BCHE: variants seen among roughly 807,000 people sequenced by gnomAD.
BCHE encodes the protein butyrylcholinesterase.
Under a neutral mutation model 51.3 loss-of-function variants are expected in BCHE, and 48 were observed. The ratio of observed to expected loss-of-function variants is 0.94; its 90% confidence interval spans 0.74 to 1.19. BCHE has a LOEUF of 1.19. Among genes scored for constraint, BCHE ranks in the 50% most tolerant of loss-of-function variants. BCHE has a pLI of 0.00. For synonymous variants in BCHE, 251 were observed against 238.0 expected, an observed-to-expected ratio of 1.05 and a Z score of -0.50; for missense variants, 847 against 708.2, an observed-to-expected ratio of 1.20 and a Z score of -2.23.
intron 1 of BCHE, among the ~76,000 whole-genome samples, chr3:165,836,490 A>C (rs189045132): frequency 6.6e-6 from 1 of 151,986 alleles, no homozygotes; most frequent in East Asian, 1.9e-4. Flanking sequence ...AGAAATCATA[A>C]ACAATGAAAT....
chr3:165,834,266 G>T (rs983059950), intron 1 of BCHE, among the ~76,000 whole-genome samples: 1 of 151,970 alleles, frequency 6.6e-6, no homozygotes, highest in Non-Finnish European at 1.5e-5. Context: ...TATATTTTAT[G>T]CTGAGTAGGT....
chr3:165,817,599 A>G (rs57531872), intron 2 of BCHE, among the ~76,000 whole-genome samples: 1 of 152,014 alleles, frequency 6.6e-6, no homozygotes, highest in African/African-American at 2.4e-5. Context: ...CTTCTGGGAA[A>G]ATTTTTCCCC....
chr3:165,803,936 A>G (rs1427291904), intron 2 of BCHE, among the ~76,000 whole-genome samples: 1 of 152,180 alleles, frequency 6.6e-6, no homozygotes, highest in Non-Finnish European at 1.5e-5. Flanking sequence ...GACTGATATC[A>G]CCCATGGAAT....
intron 2 of BCHE, among the ~76,000 whole-genome samples, chr3:165,828,732 G>A (rs371047676): frequency 4.2e-5 from 6 of 142,184 alleles, no homozygotes; most frequent in South Asian, 2.1e-4. Flanking sequence ...TGTAGTGGGA[G>A]AAAAAAAAAC....
chr3:165,801,786 A>C (rs1239715898), intron 2 of BCHE, among the ~76,000 whole-genome samples: 1 of 152,172 alleles, frequency 6.6e-6, no homozygotes, highest in African/African-American at 2.4e-5. Context: ...TTCCCAAGAC[A>C]TAAGCTCACC....
chr3:165,802,915 G>T (rs1027980907), intron 2 of BCHE, among the ~76,000 whole-genome samples: 26 of 151,888 alleles, frequency 1.7e-4, no homozygotes, highest in African/African-American at 6.3e-4. Flanking sequence ...CTAATTTTTC[G>T]TATTTTTAGT....
intron 2 of BCHE, among the ~76,000 whole-genome samples, chr3:165,803,934 T>A (rs950876748): frequency 5.9e-5 from 9 of 152,082 alleles, no homozygotes; most frequent in African/African-American, 1.9e-4. Flanking sequence ...CTGACTGATA[T>A]CACCCATGGA....
intron 2 of BCHE, among the ~76,000 whole-genome samples, chr3:165,808,424 C>T (rs1352482766): frequency 6.6e-6 from 1 of 151,496 alleles, no homozygotes; most frequent in Non-Finnish European, 1.5e-5. Flanking sequence ...TACCAGATAC[C>T]TGTACCATAT....
intron 3 of BCHE, among the ~76,000 whole-genome samples, chr3:165,782,930 G>A (rs995247340): frequency 3.3e-5 from 5 of 151,824 alleles, no homozygotes; most frequent in African/African-American, 7.3e-5. Flanking sequence ...CTCCCGCAAC[G>A]ATTCACCTTC....
chr3:165,834,939 G>C (rs1392676497), intron 1 of BCHE, among the ~76,000 whole-genome samples: 1 of 151,764 alleles, frequency 6.6e-6, no homozygotes, highest in African/African-American at 2.4e-5. Flanking sequence ...CATAAAAATG[G>C]GGCACATTTT....
chr3:165,782,318 G>T (rs1712738977), intron 3 of BCHE, among the ~76,000 whole-genome samples: 2 of 152,014 alleles, frequency 1.3e-5, no homozygotes, highest in Admixed American at 1.3e-4. Context: ...TTTGTGTGTG[G>T]GTTTTGGGGA....
At chr3:165,778,105 T>A (rs555211183) in intron 3 of BCHE, among the ~76,000 whole-genome samples, 1 of 152,166 alleles carries the variant, frequency 6.6e-6, no homozygotes, top group South Asian at 2.1e-4. Flanking sequence ...CCAGATTGTT[T>A]TTCCAGAGTC....
rs1712309285 is a variant in BCHE at position 165,772,961 on chromosome 3, G to T, written c.*421C>A. 6.6e-6 allele frequency: 1 copy of T among 152,450 alleles called. No individual in the cohort carries two copies. Among genetic ancestry groups the T allele is most frequent in the South Asian group, 2.1e-4 (1 of 4,876 alleles). The allele number at this position is 152,450 out of a possible 1,614,324, so 9.4% of individuals were successfully genotyped here. A position where few individuals can be genotyped will look rare whatever the true frequency, so the allele number is the denominator to read the frequency against. ...TGACATTCAATTCTTATTTTAATTA[G>T]GAAACATAATATTGTAAACTATGGT... On this transcript the variant is annotated 3_prime_UTR_variant, in exon 4 of 4. Coordinates refer to ENST00000264381, the MANE Select transcript of BCHE (RefSeq NM_000055.4).
chr3:165,834,849 C>T (rs1314134930), intron 1 of BCHE, among the ~76,000 whole-genome samples: 4 of 151,434 alleles, frequency 2.6e-5, no homozygotes, highest in Non-Finnish European at 4.4e-5. Flanking sequence ...CAGGTTTGAT[C>T]GTTTTTCTTT....
At chr3:165,819,632 C>G (rs1310996635) in intron 2 of BCHE, among the ~76,000 whole-genome samples, 1 of 152,052 alleles carries the variant, frequency 6.6e-6, no homozygotes, top group African/African-American at 2.4e-5. Flanking sequence ...AAGGCTCTAT[C>G]TGTTTTGCTG....
intron 2 of BCHE, among the ~76,000 whole-genome samples, chr3:165,818,218 A>T (rs1714379163): frequency 6.6e-6 from 1 of 152,154 alleles, no homozygotes; most frequent in South Asian, 2.1e-4. Context: ...GAAACAAAGC[A>T]TATAATATAA....
chr3:165,837,405 C>T lies in BCHE; in HGVS notation c.-100G>A, dbSNP rs1715226034. On this transcript the variant is annotated 5_prime_UTR_variant, in exon 1 of 4. Transcript: ENST00000264381. ...TGCAGGATGCAGCTGCTGCTCCAGC[C>T]TGTAAATTGGACTGCACTGACATTC... 7.8e-7 allele frequency: 1 copy of T among 1,289,750 alleles called. No homozygotes were observed. Among genetic ancestry groups the T allele is most frequent in the African/African-American group, 1.5e-5 (1 of 65,978 alleles). The allele number at this position is 1,289,750 out of a possible 1,614,324, so 79.9% of individuals were successfully genotyped here.
intron 2 of BCHE, among the ~76,000 whole-genome samples, chr3:165,820,511 G>A (rs986701137): frequency 6.6e-6 from 1 of 151,914 alleles, no homozygotes; most frequent in African/African-American, 2.4e-5. Context: ...CATTGATGCT[G>A]TTATGATAAC....
chr3:165,796,932 G>A (rs2108210394), intron 2 of BCHE, among the ~76,000 whole-genome samples: 1 of 152,148 alleles, frequency 6.6e-6, no homozygotes, highest in African/African-American at 2.4e-5. Context: ...AGCTTTCATG[G>A]TCTGGAAGAT....
Sources: allele counts gnomAD v4.1 joint callset (sites outside exome capture counted in the v4.1 genomes callset), GRCh38; gene constraint gnomAD v4.1.1; transcripts MANE v1.5; gene names NCBI Gene and HGNC (gene_info 2026-07-23, HGNC 2026-07-21).